MAP9: variants seen among roughly 807,000 people sequenced by gnomAD.
The protein encoded by MAP9 is microtubule associated protein 9.
MAP9 carries 80 observed loss-of-function variants against 75.2 expected under a neutral mutation model. The ratio of observed to expected loss-of-function variants is 1.06; its 90% CI spans 0.89 to 1.28. The LOEUF is 1.28. Ranked by LOEUF, MAP9 falls within the 50% of genes most tolerant of loss-of-function variation. The pLI, the probability that MAP9 is intolerant of heterozygous loss-of-function variation, is 0.00. For missense variants in MAP9, 753 were observed against 719.9 expected (o/e 1.05, Z -0.53); for synonymous variants, 235 against 237.3 (o/e 0.99, Z 0.09).
chr4:155,374,926 C>A lies in MAP9; in HGVS notation c.160+11G>T. 1 of 1,515,966 alleles carries A rather than the reference C, an allele frequency of 6.6e-7. No homozygotes were observed. Among genetic ancestry groups the A allele is most frequent in the Non-Finnish European group, 9.0e-7 (1 of 1,113,526 alleles). 93.9% of individuals were successfully genotyped at this position (1,515,966 alleles called of 1,614,324 possible). A position where few individuals can be genotyped will look rare whatever the true frequency, so the allele number is the denominator to read the frequency against. On this transcript the variant is annotated intron_variant, in intron 3 of 13. Coordinates refer to ENST00000311277, the MANE Select transcript of MAP9 (RefSeq NM_001039580.2). ...AAGAAAAGTGGTTCACGTTTCCATA[C>A]TGTCACATACCAATCTCATCACTGT...
At chr4:155,348,628 GCCT>G (rs780507470) in intron 13 of MAP9, among the ~76,000 whole-genome samples, 32 of 152,020 alleles carry the variant, frequency 2.1e-4, no homozygotes, top group Non-Finnish European at 5.9e-5. Context: ...TAAAAATTCT[GCCT>G]CATGTTTCTT....
Position 155,355,707 on chromosome 4 carries a change from C to CT in MAP9, c.1290+8dup, listed in dbSNP as rs752116110. The CT allele has an allele frequency of 6.3e-7, 1 of 1,593,654 alleles. No homozygotes were observed. The highest frequency in any genetic ancestry group is 2.2e-5 in the East Asian group (1 of 44,736). ...TTCTTCTTCTCTTAAAAATATTTTC[C>CT]TTTTTTACCTGATAAACAGCTGCCC... On this transcript the variant is annotated intron_variant, in intron 9 of 13. Coordinates refer to ENST00000311277, the MANE Select transcript of MAP9 (RefSeq NM_001039580.2).
chr4:155,344,719 C>G lies in MAP9; in HGVS notation c.*3064G>C, dbSNP rs960620888. ...ATTAAGAAAACTTTAACCTCTTGAT[C>G]TAAAATGCCATATTGCATCTTTTAA... On this transcript the variant is annotated 3_prime_UTR_variant, in exon 14 of 14. Coordinates refer to ENST00000311277, the MANE Select transcript of MAP9 (RefSeq NM_001039580.2). The G allele has an allele frequency of 3.3e-5, 5 of 151,950 alleles. No individual in the cohort carries two copies. The highest frequency in any genetic ancestry group is 1.2e-4 in the African/African-American group (5 of 41,434). 9.4% of individuals were successfully genotyped at this position (151,950 alleles called of 1,614,324 possible).
In MAP9 at chr4:155,355,316, ATAAAT is replaced by A. The variant is rs543291305; in HGVS notation, c.1291-161_1291-157del. Among the ~76,000 whole-genome samples the A allele has an allele frequency of 8.6e-3, 1,304 of 152,228 alleles. 10 individuals are homozygous for A. The highest frequency in any genetic ancestry group is 0.012 in the Non-Finnish European group (833 of 67,972). ...CAAAAAAAGACTTTTAGAATTGTGA[ATAAAT>A]TAATACAATCTTTTTCCTATGTACG... On this transcript the variant is annotated intron_variant, in intron 9 of 13. Transcript: ENST00000311277.
chr4:155,352,244 C>T lies in MAP9; in HGVS notation c.1821+352G>A, dbSNP rs181406101. On this transcript the variant is annotated intron_variant, in intron 13 of 13. Coordinates refer to ENST00000311277, the MANE Select transcript of MAP9 (RefSeq NM_001039580.2). ...TGTTACTTTTTGTCATGACCAAGTTCCACCACGTAGTACCCTCAATAGTAA... is the reference window on the plus strand; with the variant it reads ...TGTTACTTTTTGTCATGACCAAGTTTCACCACGTAGTACCCTCAATAGTAA... 538 of 184,706 alleles carry T rather than the reference C, an allele frequency of 2.9e-3. 11 individuals are homozygous for T. Among genetic ancestry groups the T allele is most frequent in the Non-Finnish European group, 1.7e-3 (154 of 90,290 alleles). The allele number at this position is 184,706 out of a possible 1,614,324, so 11.4% of individuals were successfully genotyped here. A position where few individuals can be genotyped will look rare whatever the true frequency, so the allele number is the denominator to read the frequency against.
At position 155,347,562 on chromosome 4, in the gene MAP9, A is replaced by G. The variant is rs1308387010; in HGVS notation, c.*221T>C. 2 of 413,406 alleles carry G rather than the reference A, an allele frequency of 4.8e-6. No homozygotes were observed. Among genetic ancestry groups the G allele is most frequent in the Non-Finnish European group, 8.5e-6 (2 of 234,354 alleles). 25.6% of individuals were successfully genotyped at this position (413,406 alleles called of 1,614,324 possible). On this transcript the variant is annotated 3_prime_UTR_variant, in exon 14 of 14. Transcript: ENST00000311277. ...TAAAATCTTATGTATCTTAATGGTA[A>G]AAACAATCTGATTATTAGGTCTTTG...
rs758391622 is a variant in MAP9, at chr4:155,360,378, C to G, written c.840G>C (p.Leu280Phe). The change falls in exon 7 of 14, where the codon TTG becomes TTC. Residue 280 changes from leucine to phenylalanine, a missense_variant. Leu to Phe is a conservative substitution (Grantham distance 22, BLOSUM62 0). Coordinates refer to ENST00000311277, the MANE Select transcript of MAP9 (RefSeq NM_001039580.2). ...AATTCTCTTTATTTTCATCTGATTT[C>G]AAGGAATTATGGTTTTCAGTGATTT... ...NEEITENHNSLKSDENKENSF... is the reference protein window; with the variant it reads ...NEEITENHNSFKSDENKENSF... 12 of 1,612,026 alleles carry G rather than the reference C, an allele frequency of 7.4e-6. No individual in the cohort carries two copies. The South Asian group carries it at 9.9e-5, about 13-fold the overall frequency.
chr4:155,356,238 G>A (rs939900059), intron 8 of MAP9, among the ~76,000 whole-genome samples: 10 of 152,090 alleles, frequency 6.6e-5, no homozygotes, highest in African/African-American at 2.4e-4. Flanking sequence ...CTGAACTCCA[G>A]CCTGAGCAAC....
At chr4:155,357,074 T>C (rs1190790182) in intron 8 of MAP9, 2 of 204,358 alleles carry the variant, frequency 9.8e-6, no homozygotes, top group Non-Finnish European at 1.9e-5. Context: ...TACCATTTTA[T>C]ATTGCTTGTC....
intron 3 of MAP9, among the ~76,000 whole-genome samples, chr4:155,374,316 G>C (rs766603585): frequency 6.7e-6 from 1 of 149,490 alleles, no homozygotes; most frequent in Non-Finnish European, 1.5e-5. Context: ...TCCAGCTTGA[G>C]CAACTGAGCG....
At chr4:155,368,907 G>A in intron 4 of MAP9, 95 bp from the exon 5 acceptor site, 2 of 985,186 alleles carry the variant, frequency 2.0e-6, no homozygotes, top group South Asian at 3.4e-5. Context: ...CTGTGCCTAT[G>A]CCCCTTTGTT....
At position 155,344,977 on chromosome 4, in the gene MAP9, A is replaced by G. The variant is rs1560797282; in HGVS notation, c.*2806T>C. 1 of 152,092 alleles carries G rather than the reference A, an allele frequency of 6.6e-6. No homozygotes were observed. Among genetic ancestry groups the G allele is most frequent in the East Asian group, 1.9e-4 (1 of 5,188 alleles). 9.4% of individuals were successfully genotyped at this position (152,092 alleles called of 1,614,324 possible). A position where few individuals can be genotyped will look rare whatever the true frequency, so the allele number is the denominator to read the frequency against. On this transcript the variant is annotated 3_prime_UTR_variant, in exon 14 of 14. Transcript: ENST00000311277. ...GGAACTTTTATATGAAAGTCTATAT[A>G]CTTTTAATGTCCTTAATTTGAATTA...
Position 155,347,071 on chromosome 4 carries a change from T to C in MAP9, c.*712A>G, listed in dbSNP as rs1454511588. Reference sequence around the variant, plus strand: ...AAGTATATCACTACTGTGACATTGATGTCTTTTGGTATCACTGAAATAATA... The same window carrying C: ...AAGTATATCACTACTGTGACATTGACGTCTTTTGGTATCACTGAAATAATA... On this transcript the variant is annotated 3_prime_UTR_variant, in exon 14 of 14. Transcript: ENST00000311277. 2 of 152,202 alleles carry C rather than the reference T, an allele frequency of 1.3e-5. No homozygotes were observed. Among genetic ancestry groups the C allele is most frequent in the South Asian group, 4.1e-4 (2 of 4,830 alleles). 9.4% of individuals were successfully genotyped at this position (152,202 alleles called of 1,614,324 possible). A position where few individuals can be genotyped will look rare whatever the true frequency, so the allele number is the denominator to read the frequency against.
At chr4:155,348,665 T>C (rs1731374823) in intron 13 of MAP9, among the ~76,000 whole-genome samples, 1 of 152,212 alleles carries the variant, frequency 6.6e-6, no homozygotes, top group South Asian at 2.1e-4. Context: ...GAGCACATTT[T>C]CAAACATTTC....
chr4:155,366,981 A>C (rs1477240733), intron 5 of MAP9, among the ~76,000 whole-genome samples: 1 of 152,208 alleles, frequency 6.6e-6, no homozygotes, highest in Non-Finnish European at 1.5e-5. Context: ...ACAGACCAAT[A>C]GACTTCATAA....
In MAP9 at chr4:155,359,804, A is replaced by G. The variant is rs577169972; in HGVS notation, c.1050+364T>C. Among the ~76,000 whole-genome samples, 8 of 152,232 alleles carry G rather than the reference A, an allele frequency of 5.3e-5. No individual in the cohort carries two copies. The South Asian group carries it at 1.7e-3, about 32-fold the overall frequency. ...AATTGTTAACACGTTTTAAAACAATATCCAAAAACATAACTCTAATTTAAA... is the reference window on the plus strand; with the variant it reads ...AATTGTTAACACGTTTTAAAACAATGTCCAAAAACATAACTCTAATTTAAA... On this transcript the variant is annotated intron_variant, in intron 7 of 13. Transcript: ENST00000311277.
At position 155,347,140 on chromosome 4, in the gene MAP9, A is replaced by G. The variant is rs1449874457; in HGVS notation, c.*643T>C. Reference sequence around the variant, plus strand: ...AAAGAAAAATTTCAGAGGTGGACTCATTATAAAGTACCTATGATTATCACA... The same window carrying G: ...AAAGAAAAATTTCAGAGGTGGACTCGTTATAAAGTACCTATGATTATCACA... On this transcript the variant is annotated 3_prime_UTR_variant, in exon 14 of 14. Transcript: ENST00000311277. 1 of 152,230 alleles carries G rather than the reference A, an allele frequency of 6.6e-6. No homozygotes were observed. The highest frequency in any genetic ancestry group is 1.5e-5 in the Non-Finnish European group (1 of 68,036). The allele number at this position is 152,230 out of a possible 1,614,324, so 9.4% of individuals were successfully genotyped here.
intron 7 of MAP9, among the ~76,000 whole-genome samples, chr4:155,359,452 G>A (rs1026661374): frequency 1.4e-4 from 22 of 152,020 alleles, no homozygotes; most frequent in Admixed American, 3.9e-4. Flanking sequence ...GTGAGAGGGA[G>A]GTGCGGGATG....
intron 5 of MAP9, among the ~76,000 whole-genome samples, chr4:155,366,147 T>C (rs997433335): frequency 2.9e-4 from 44 of 152,072 alleles, no homozygotes; most frequent in African/African-American, 1.0e-3. Context: ...GATCACGATG[T>C]CAGGAGATCG....
Sources: allele counts gnomAD v4.1 joint callset (sites outside exome capture counted in the v4.1 genomes callset), GRCh38; gene constraint gnomAD v4.1.1; transcripts MANE v1.5; gene names NCBI Gene and HGNC (gene_info 2026-07-23, HGNC 2026-07-21).